The following ABI2 variants were observed in gnomAD, a reference collection of about 807,000 sequenced individuals.
ABI2 encodes abelson interactor 2.
In ABI2, 25 loss-of-function variants were observed where a neutral mutation model predicts 59.2. That is an observed-to-expected ratio of 0.42 (90% confidence interval 0.31 to 0.59). ABI2 has a LOEUF of 0.59. Ranked by LOEUF, ABI2 falls within the 20% of genes least tolerant of loss-of-function variation. ABI2 has a pLI of 0.14. For synonymous variants in ABI2, 213 were observed against 235.5 expected (o/e 0.90, Z 0.87); for missense variants, 545 against 681.8 (o/e 0.80, Z 2.23).
intron 2 of ABI2, among the ~76,000 whole-genome samples, chr2:203,373,379 G>C (rs891325064): frequency 6.6e-6 from 1 of 152,172 alleles, no homozygotes; most frequent in East Asian, 1.9e-4. Context: ...AGGAGAATCA[G>C]GCAGGGAGGT....
chr2:203,359,849 G>C (rs900790197), intron 1 of ABI2, among the ~76,000 whole-genome samples: 2 of 152,060 alleles, frequency 1.3e-5, no homozygotes, highest in African/African-American at 4.8e-5. Flanking sequence ...CATTTTTGGG[G>C]GGGGGACACA....
chr2:203,340,572 G>C (rs1393581634), intron 1 of ABI2, among the ~76,000 whole-genome samples: 1 of 151,964 alleles, frequency 6.6e-6, no homozygotes, highest in Non-Finnish European at 1.5e-5. Flanking sequence ...TGCCCAGGCT[G>C]GTCTCGAACT....
At chr2:203,373,344 T>C (rs1027860210) in intron 2 of ABI2, among the ~76,000 whole-genome samples, 7 of 152,182 alleles carry the variant, frequency 4.6e-5, no homozygotes, top group African/African-American at 1.7e-4. Context: ...GCGCCTGTAA[T>C]CGCAGGCACT....
At chr2:203,395,218 A>G (rs1017182471) in intron 6 of ABI2, 1 of 582,804 alleles carries the variant, frequency 1.7e-6, no homozygotes, top group Non-Finnish European at 3.0e-6. Context: ...TTATTAATTA[A>G]AATTACTCAA....
rs1205572149 is a variant in ABI2, at chr2:203,411,507, T to C, written c.1279+136T>C. 3 of 699,734 alleles carry C rather than the reference T, an allele frequency of 4.3e-6. No individual in the cohort carries two copies. The African/African-American group carries it at 5.4e-5, about 13-fold the overall frequency. 43.3% of individuals were successfully genotyped at this position (699,734 alleles called of 1,614,324 possible). On this transcript the variant is annotated intron_variant, in intron 10 of 11. Coordinates refer to ENST00000261018, the MANE Select transcript of ABI2 (RefSeq NM_001375670.1). The stretch of plus-strand genomic sequence containing the variant: ...TATGAACAAATCACTGTCTGGCTAG[T>C]GGAGATAAAATAGAGAAATTTTCTA...
intron 1 of ABI2, among the ~76,000 whole-genome samples, chr2:203,343,001 C>T (rs1272071060): frequency 1.3e-5 from 2 of 151,932 alleles, no homozygotes; most frequent in African/African-American, 2.4e-5. Flanking sequence ...CAGTCTATAC[C>T]GTTAACAAAA....
intron 4 of ABI2, among the ~76,000 whole-genome samples, chr2:203,383,961 A>G (rs951698428): frequency 6.6e-6 from 1 of 152,192 alleles, no homozygotes; most frequent in East Asian, 1.9e-4. Context: ...AGAGAAAGTC[A>G]TCATACTTTA....
At chr2:203,389,573 A>G (rs2096660301) in intron 4 of ABI2, among the ~76,000 whole-genome samples, 1 of 152,230 alleles carries the variant, frequency 6.6e-6, no homozygotes, top group Non-Finnish European at 1.5e-5. Flanking sequence ...TTATAAATGT[A>G]TTCTGATTTC....
At chr2:203,358,992 A>G (rs560340680) in intron 1 of ABI2, among the ~76,000 whole-genome samples, 6 of 152,324 alleles carry the variant, frequency 3.9e-5, no homozygotes, top group Non-Finnish European at 4.4e-5. Context: ...AGCCTGGGTG[A>G]CAGAGTGAGA....
At chr2:203,362,398 TG>T (rs1390745614) in intron 1 of ABI2, among the ~76,000 whole-genome samples, 1 of 152,220 alleles carries the variant, frequency 6.6e-6, no homozygotes, top group Admixed American at 6.5e-5. Context: ...TTGGACGTTC[TG>T]GGGGTAGTTG....
chr2:203,393,196 AG>A (rs1156679239), intron 5 of ABI2, among the ~76,000 whole-genome samples: 1 of 152,160 alleles, frequency 6.6e-6, no homozygotes, highest in Non-Finnish European at 1.5e-5. Flanking sequence ...CTGGGATTAC[AG>A]GTGTGCGCCA....
At chr2:203,405,016 C>T (rs1229368897) in intron 9 of ABI2, among the ~76,000 whole-genome samples, 1 of 152,112 alleles carries the variant, frequency 6.6e-6, no homozygotes, top group Non-Finnish European at 1.5e-5. Context: ...TTTTCAAATG[C>T]TTGAAAGTAT....
At chr2:203,374,728 T>G (rs183794834) in intron 2 of ABI2, 22 of 412,954 alleles carry the variant, frequency 5.3e-5, no homozygotes, top group Non-Finnish European at 1.0e-4. Flanking sequence ...AAATGTTTAT[T>G]TGAAACATTA....
chr2:203,384,645 C>A (rs1227683346), intron 4 of ABI2, among the ~76,000 whole-genome samples: 1 of 151,610 alleles, frequency 6.6e-6, no homozygotes, highest in African/African-American at 2.4e-5. Context: ...TTTTAAGACC[C>A]TGTTACTGAG....
intron 2 of ABI2, among the ~76,000 whole-genome samples, chr2:203,372,963 C>T (rs1394551458): frequency 6.6e-6 from 1 of 152,012 alleles, no homozygotes; most frequent in East Asian, 1.9e-4. Context: ...GGAAGAGGCG[C>T]TCCTCACTTT....
chr2:203,336,322 A>T (rs1490094228), intron 1 of ABI2, among the ~76,000 whole-genome samples: 1 of 152,196 alleles, frequency 6.6e-6, no homozygotes, highest in Non-Finnish European at 1.5e-5. Flanking sequence ...AAGGGAAAAG[A>T]TCAACTGTTG....
intron 1 of ABI2, among the ~76,000 whole-genome samples, chr2:203,330,940 T>G (rs13430194): frequency 0.74 from 112,946 of 151,930 alleles, 43,148 homozygotes; most frequent in Middle Eastern, 0.87. Flanking sequence ...GAGAAAAACG[T>G]TACTACTATC....
At chr2:203,349,271 G>A (rs2086008866) in intron 1 of ABI2, among the ~76,000 whole-genome samples, 1 of 152,192 alleles carries the variant, frequency 6.6e-6, no homozygotes, top group South Asian at 2.1e-4. Flanking sequence ...ACACTTTAGT[G>A]TGTTTTTTCC....
intron 10 of ABI2, among the ~76,000 whole-genome samples, 168 bp from the exon 11 acceptor site, chr2:203,416,740 T>C (rs908597378): frequency 2.0e-5 from 3 of 152,238 alleles, no homozygotes; most frequent in Non-Finnish European, 4.4e-5. Flanking sequence ...CTTGGAGCTC[T>C]AGAACGTTAT....
Sources: gnomAD v4.1 joint callset for allele counts (sites outside exome capture counted in the v4.1 genomes callset) on GRCh38, gnomAD v4.1.1 for gene constraint, MANE v1.5 for transcripts, NCBI Gene and HGNC (gene_info 2026-07-23, HGNC 2026-07-21) for gene names.